The following ASXL3 variants were observed in gnomAD, a reference collection of about 807,000 sequenced individuals.
The protein encoded by ASXL3 is ASXL transcriptional regulator 3.
Under a neutral mutation model 170.6 loss-of-function variants are expected in ASXL3, and 34 were observed. That is an observed-to-expected ratio of 0.20 (90% CI 0.15 to 0.27). The LOEUF (loss-of-function observed/expected upper bound fraction) is 0.27, where lower values mean the gene tolerates loss of function less well. Ranked by LOEUF, ASXL3 falls within the 10% of genes least tolerant of loss-of-function variation. The pLI, the probability that ASXL3 is intolerant of heterozygous loss-of-function variation, is 1.00. For synonymous variants in ASXL3, 1,002 were observed against 989.1 expected (o/e 1.01, Z -0.24); for missense variants, 2,592 against 2,695.3 (o/e 0.96, Z 0.85).
chr18:33,597,913 C>A (rs190993258), intron 1 of ASXL3, among the ~76,000 whole-genome samples: 1 of 151,972 alleles, frequency 6.6e-6, no homozygotes, highest in Non-Finnish European at 1.5e-5. Flanking sequence ...ATTTTGATTA[C>A]GAAATGCTTT....
intron 7 of ASXL3, among the ~76,000 whole-genome samples, chr18:33,673,683 T>A (rs2066383364): frequency 6.6e-6 from 1 of 152,160 alleles, no homozygotes; most frequent in African/African-American, 2.4e-5. Flanking sequence ...TGTATTCTGA[T>A]TTTTGTACCT....
At chr18:33,713,981 C>T (rs946770023) in intron 8 of ASXL3, among the ~76,000 whole-genome samples, 2 of 152,120 alleles carry the variant, frequency 1.3e-5, no homozygotes, top group African/African-American at 4.8e-5. Context: ...GTTTGACTTG[C>T]ATGTGTGTCC....
At chr18:33,634,607 G>A (rs1286774765) in intron 2 of ASXL3, among the ~76,000 whole-genome samples, 2 of 152,092 alleles carry the variant, frequency 1.3e-5, no homozygotes, top group Admixed American at 1.3e-4. Flanking sequence ...TTGCTGATCT[G>A]TAGAGCATGC....
intron 8 of ASXL3, among the ~76,000 whole-genome samples, chr18:33,713,542 A>G (rs2067115236): frequency 6.6e-6 from 1 of 151,926 alleles, no homozygotes; most frequent in South Asian, 2.1e-4. Context: ...GGCGTGAGCC[A>G]CCGTGCCCGG....
intron 2 of ASXL3, among the ~76,000 whole-genome samples, chr18:33,610,690 T>C (rs2065323055): frequency 6.6e-6 from 1 of 152,092 alleles, no homozygotes; most frequent in Non-Finnish European, 1.5e-5. Context: ...AAACAGTTGT[T>C]TAGTCAATAA....
Position 33,713,263 on chromosome 18 carries a change from T to TTG in ASXL3, c.880-18704_880-18703insGT, listed in dbSNP as rs2067106198. 2.5e-5 allele frequency among the ~76,000 whole-genome samples: 3 copies of TTG among 119,112 alleles called. 1 individual carries two copies. The highest frequency in any genetic ancestry group is 1.0e-4 in the African/African-American group (3 of 28,960). 78.1% of individuals were successfully genotyped at this position (119,112 alleles called of 152,430 possible). ...GTTTTGTTTTGTTTTTTTTTTTTTT[T>TTG]TTTTTTTTTTTGAGACAGGGTCTTA... On this transcript the variant is annotated intron_variant, in intron 8 of 11. Coordinates refer to ENST00000269197, the MANE Select transcript of ASXL3 (RefSeq NM_030632.3).
intron 1 of ASXL3, among the ~76,000 whole-genome samples, chr18:33,584,068 A>G (rs944690718): frequency 2.6e-5 from 4 of 152,194 alleles, no homozygotes; most frequent in Non-Finnish European, 5.9e-5. Flanking sequence ...GGGAAAAGCT[A>G]TGTGGTATGT....
At chr18:33,727,289 G>C (rs2067368141) in intron 8 of ASXL3, among the ~76,000 whole-genome samples, 1 of 151,986 alleles carries the variant, frequency 6.6e-6, no homozygotes, top group Admixed American at 6.6e-5. Flanking sequence ...TAAGAAAAAA[G>C]TGGTTTAGAA....
Position 33,743,824 on chromosome 18 carries a change from T to C in ASXL3, c.3976T>C (p.Ser1326Pro), listed in dbSNP as rs554900022. The C allele has an allele frequency of 1.7e-5, 28 of 1,614,034 alleles. No individual in the cohort carries two copies. In the East Asian group the frequency reaches 5.1e-4, roughly 30 times the overall value. The change falls in exon 12 of 12, where the codon TCA (serine) becomes CCA (proline). Residue 1326 changes from serine to proline, a missense_variant. By Grantham distance (74) the Ser-to-Pro change is moderately conservative. Transcript: ENST00000269197. Reference sequence around the variant, plus strand: ...CATGGATGATAAGCAGTTACTAATATCAAGCAGCAGTGCTAGTAACTTAGT... The same window carrying C: ...CATGGATGATAAGCAGTTACTAATACCAAGCAGCAGTGCTAGTAACTTAGT... ...SSMDDKQLLI[S>P]SSSASNLVST...
chr18:33,595,589 T>C (rs2065118784), intron 1 of ASXL3, among the ~76,000 whole-genome samples: 1 of 151,708 alleles, frequency 6.6e-6, no homozygotes, highest in South Asian at 2.1e-4. Context: ...AAATGGGAGG[T>C]TCTAGGTAAT....
intron 2 of ASXL3, among the ~76,000 whole-genome samples, chr18:33,632,512 T>G (rs1164880034): frequency 6.6e-6 from 1 of 152,200 alleles, no homozygotes; most frequent in East Asian, 1.9e-4. Context: ...TTCATCATAT[T>G]GTCAAACTGA....
intron 1 of ASXL3, among the ~76,000 whole-genome samples, chr18:33,591,493 ATTTC>A (rs906562155): frequency 1.3e-5 from 2 of 152,106 alleles, no homozygotes; most frequent in Non-Finnish European, 2.9e-5. Context: ...TCCAATTTTT[ATTTC>A]TTTGTCATTT....
At chr18:33,737,712 G>A (rs1461041420) in intron 10 of ASXL3, among the ~76,000 whole-genome samples, 1 of 152,066 alleles carries the variant, frequency 6.6e-6, no homozygotes, top group African/African-American at 2.4e-5. Flanking sequence ...ATTCTTTAAT[G>A]AAATTTGCAT....
rs933430612 is a variant in ASXL3, at chr18:33,693,305, GTTAA to G, written c.879+9740_879+9743del. Among the ~76,000 whole-genome samples the G allele has an allele frequency of 2.0e-4, 30 of 152,230 alleles. 1 individual carries two copies. The highest frequency in any genetic ancestry group is 7.2e-4 in the Admixed American group (11 of 15,270). ...ATACTTTTGGCTTAAAATTGAGGCA[GTTAA>G]TTGGAGAAATTTAAGATGGAAGAGA... On this transcript the variant is annotated intron_variant, in intron 8 of 11. Coordinates refer to ENST00000269197, the MANE Select transcript of ASXL3 (RefSeq NM_030632.3).
At chr18:33,632,921 T>C (rs1181845405) in intron 2 of ASXL3, among the ~76,000 whole-genome samples, 2 of 152,186 alleles carry the variant, frequency 1.3e-5, no homozygotes, top group East Asian at 1.9e-4. Flanking sequence ...GCATTTAAAC[T>C]GTGGAACTAA....
Position 33,747,707 on chromosome 18 carries a change from C to A in ASXL3, c.*1112C>A, listed in dbSNP as rs969512765. ...CAATTGCTTTTCTCATTATTTACAA[C>A]CTATATAATTCAACTTTGAAATAAC... On this transcript the variant is annotated 3_prime_UTR_variant, in exon 12 of 12. Transcript: ENST00000269197. 1.3e-5 allele frequency: 2 copies of A among 152,156 alleles called. No homozygotes were observed. Among genetic ancestry groups the A allele is most frequent in the African/African-American group, 4.8e-5 (2 of 41,442 alleles). The allele number at this position is 152,156 out of a possible 1,614,324, so 9.4% of individuals were successfully genotyped here.
intron 2 of ASXL3, among the ~76,000 whole-genome samples, chr18:33,611,460 C>T (rs141383739): frequency 2.0e-5 from 3 of 151,966 alleles, no homozygotes; most frequent in Non-Finnish European, 2.9e-5. Context: ...GCTTGCTTCA[C>T]TGATTCTGAG....
Position 33,746,893 on chromosome 18 carries a change from G to A in ASXL3, c.*298G>A, listed in dbSNP as rs1236524601. 4 of 286,126 alleles carry A rather than the reference G, an allele frequency of 1.4e-5. No homozygotes were observed. The highest frequency in any genetic ancestry group is 5.0e-5 in the Admixed American group (1 of 19,982). The allele number at this position is 286,126 out of a possible 1,614,324, so 17.7% of individuals were successfully genotyped here. On this transcript the variant is annotated 3_prime_UTR_variant, in exon 12 of 12. Coordinates refer to ENST00000269197, the MANE Select transcript of ASXL3 (RefSeq NM_030632.3). ...CCATTTTTGTTTTTCTTTTAACCGA[G>A]GTGTAGATAGGAAAAGGACATTTTT...
In ASXL3 at chr18:33,744,761, G is replaced by T; in HGVS notation, c.4913G>T (p.Cys1638Phe). Residue 1638 changes from cysteine to phenylalanine, a missense_variant, in exon 12 of 12, where the codon TGT (cysteine) becomes TTT (phenylalanine). Coordinates refer to ENST00000269197, the MANE Select transcript of ASXL3 (RefSeq NM_030632.3). ...CAAAAAGAATATCTAGAGCAAAGCT[G>T]TCCAAAGGCTATCAAAACTGAACAT... Reference protein sequence around the residue: ...SKQKEYLEQSCPKAIKTEHAN... With the variant: ...SKQKEYLEQSFPKAIKTEHAN... The T allele has an allele frequency of 6.2e-7, 1 of 1,614,058 alleles. No individual in the cohort carries two copies.
Sources: allele counts gnomAD v4.1 joint callset (sites outside exome capture counted in the v4.1 genomes callset), GRCh38; gene constraint gnomAD v4.1.1; transcripts MANE v1.5; gene names NCBI Gene and HGNC (gene_info 2026-07-23, HGNC 2026-07-21).